Variants in POU6F2 observed in about 807,000 individuals in gnomAD.
POU6F2 encodes POU class 6 homeobox 2, also known as POU domain, class 6, transcription factor 2.
Under a neutral mutation model 71.3 loss-of-function variants are expected in POU6F2, and 31 were observed. The observed-to-expected ratio is 0.43, with a 90% CI of 0.33 to 0.59. The LOEUF is 0.59. Ranked by LOEUF, POU6F2 falls within the 20% of genes least tolerant of loss-of-function variation. The pLI is 0.04. For missense variants in POU6F2, 783 were observed against 856.8 expected, an observed-to-expected ratio of 0.91 and a Z score of 1.07; for synonymous variants, 347 against 355.7, an observed-to-expected ratio of 0.98 and a Z score of 0.27.
At chr7:39,413,854 G>A (rs1399899106) in intron 6 of POU6F2, among the ~76,000 whole-genome samples, 2 of 152,166 alleles carry the variant, frequency 1.3e-5, no homozygotes, top group African/African-American at 4.8e-5. Context: ...GAGCCCAGTT[G>A]AGAGCTTTAG....
chr7:39,141,838 A>G (rs1170359042), intron 2 of POU6F2, among the ~76,000 whole-genome samples: 1 of 152,230 alleles, frequency 6.6e-6, no homozygotes, highest in African/African-American at 2.4e-5. Flanking sequence ...CTGTAATCCC[A>G]GCACTTTGGG....
rs1386803089 is a variant in POU6F2 at position 39,465,529 on chromosome 7, G to A, written c.*843G>A. 1 of 152,162 alleles carries A rather than the reference G, an allele frequency of 6.6e-6. No individual in the cohort carries two copies. The highest frequency in any genetic ancestry group is 1.5e-5 in the Non-Finnish European group (1 of 68,028). 9.4% of individuals were successfully genotyped at this position (152,162 alleles called of 1,614,324 possible). On this transcript the variant is annotated 3_prime_UTR_variant, in exon 10 of 10. Transcript: ENST00000518318. Reference sequence around the variant, plus strand: ...TTCTCACTATGACTTGTGGGTTTGAGAAAAGAAAATGGAGCTCGCATTTCT... The same window carrying A: ...TTCTCACTATGACTTGTGGGTTTGAAAAAAGAAAATGGAGCTCGCATTTCT...
chr7:39,379,135 C>T (rs4540309), intron 5 of POU6F2, among the ~76,000 whole-genome samples: 25,788 of 152,006 alleles, frequency 0.17, 2,482 homozygotes, highest in East Asian at 0.48. Flanking sequence ...TAGGAGGGCT[C>T]TGGGGGAAAG....
At chr7:39,322,660 A>T (rs1172024799) in intron 4 of POU6F2, among the ~76,000 whole-genome samples, 5 of 152,152 alleles carry the variant, frequency 3.3e-5, no homozygotes, top group African/African-American at 9.7e-5. Context: ...GGTGGTGTTC[A>T]TTCACTTCCT....
chr7:39,217,360 C>T (rs554157036), intron 4 of POU6F2, among the ~76,000 whole-genome samples: 1 of 152,234 alleles, frequency 6.6e-6, no homozygotes, highest in South Asian at 2.1e-4. Flanking sequence ...GAAATATGTG[C>T]TAAACCTTCT....
chr7:39,178,329 T>C (rs1176023781), intron 2 of POU6F2, among the ~76,000 whole-genome samples: 1 of 152,214 alleles, frequency 6.6e-6, no homozygotes, highest in Non-Finnish European at 1.5e-5. Context: ...CAATCTTCCC[T>C]GAATATCCCA....
chr7:39,370,598 G>C (rs1234539107), intron 5 of POU6F2, among the ~76,000 whole-genome samples: 1 of 152,164 alleles, frequency 6.6e-6, no homozygotes, highest in East Asian at 1.9e-4. Flanking sequence ...GGCCAACTAT[G>C]CCCCCTCCCC....
At chr7:39,291,832 A>G (rs1426237377) in intron 4 of POU6F2, among the ~76,000 whole-genome samples, 4 of 152,202 alleles carry the variant, frequency 2.6e-5, no homozygotes, top group Non-Finnish European at 5.9e-5. Context: ...CTGACGAATG[A>G]GCGGAGTTTG....
chr7:39,069,301 T>C (rs1372538606), intron 1 of POU6F2, among the ~76,000 whole-genome samples: 1 of 152,168 alleles, frequency 6.6e-6, no homozygotes, highest in African/African-American at 2.4e-5. Flanking sequence ...AAGCCCAGAA[T>C]GCCAGGGACT....
intron 2 of POU6F2, among the ~76,000 whole-genome samples, chr7:39,099,708 A>C (rs1487142038): frequency 6.6e-6 from 1 of 152,144 alleles, no homozygotes; most frequent in African/African-American, 2.4e-5. Context: ...TAAAATACCT[A>C]TCTGATGGGA....
intron 4 of POU6F2, among the ~76,000 whole-genome samples, chr7:39,246,773 A>ATT (rs202185820): frequency 1.9e-4 from 28 of 147,996 alleles, no homozygotes; most frequent in African/African-American, 5.2e-4. Flanking sequence ...GAACCAGGAC[A>ATT]TTTTTTTTTT....
intron 4 of POU6F2, among the ~76,000 whole-genome samples, chr7:39,318,232 A>G (rs1473358349): frequency 6.6e-6 from 1 of 152,198 alleles, no homozygotes; most frequent in African/African-American, 2.4e-5. Context: ...GCACAGTGCC[A>G]GGAAACCAGT....
chr7:39,437,569 A>G (rs955130245), intron 7 of POU6F2, among the ~76,000 whole-genome samples: 2 of 152,180 alleles, frequency 1.3e-5, no homozygotes, highest in East Asian at 3.9e-4. Flanking sequence ...TTTTCAAAAA[A>G]CCAGCTCCTG....
intron 2 of POU6F2, among the ~76,000 whole-genome samples, chr7:39,141,948 G>A (rs907477494): frequency 1.3e-5 from 2 of 152,162 alleles, no homozygotes; most frequent in Admixed American, 6.5e-5. Flanking sequence ...TTAGCCAGGT[G>A]GGGTGGCCCA....
chr7:39,063,477 T>G (rs2128716510), intron 1 of POU6F2, among the ~76,000 whole-genome samples: 1 of 152,278 alleles, frequency 6.6e-6, no homozygotes, highest in South Asian at 2.1e-4. Flanking sequence ...AACCAATGTG[T>G]AATGAAACAC....
At chr7:39,331,758 G>A (rs866002047) in intron 4 of POU6F2, among the ~76,000 whole-genome samples, 2 of 152,160 alleles carry the variant, frequency 1.3e-5, no homozygotes, top group East Asian at 1.9e-4. Flanking sequence ...TGACCTGGCC[G>A]CCTCGGCCTC....
chr7:39,059,129 A>G (rs1790598242), intron 1 of POU6F2, among the ~76,000 whole-genome samples: 1 of 152,218 alleles, frequency 6.6e-6, no homozygotes, highest in African/African-American at 2.4e-5. Context: ...ATAATGAATC[A>G]GTATAATCAT....
chr7:39,322,387 C>T (rs1304739771), intron 4 of POU6F2, among the ~76,000 whole-genome samples: 3 of 152,236 alleles, frequency 2.0e-5, no homozygotes, highest in African/African-American at 7.2e-5. Context: ...TGACCTTCAA[C>T]TCAAACCCTC....
At chr7:39,080,334 C>T (rs998902609) in intron 1 of POU6F2, among the ~76,000 whole-genome samples, 4 of 151,958 alleles carry the variant, frequency 2.6e-5, no homozygotes, top group South Asian at 2.1e-4. Flanking sequence ...TTACCCTTTC[C>T]CCAAACCTAC....
Sources: gnomAD v4.1 joint callset for allele counts (sites outside exome capture counted in the v4.1 genomes callset) on GRCh38, gnomAD v4.1.1 for gene constraint, MANE v1.5 for transcripts, NCBI Gene and HGNC (gene_info 2026-07-23, HGNC 2026-07-21) for gene names.